CFAP299: variants seen among roughly 807,000 people sequenced by gnomAD.
CFAP299 encodes the protein cilia- and flagella-associated protein 299.
Under a neutral mutation model 27.0 loss-of-function variants are expected in CFAP299, and 21 were observed. That is an observed-to-expected ratio of 0.78 (90% confidence interval 0.55 to 1.12). The LOEUF is 1.12. CFAP299 is among the 50% of genes most tolerant of loss of function. CFAP299 has a pLI of 0.00. For missense variants in CFAP299, 310 were observed against 276.6 expected (o/e 1.12, Z -0.86); for synonymous variants, 104 against 98.1 (o/e 1.06, Z -0.36).
chr4:80,705,344 A>T (rs77817151), intron 3 of CFAP299, among the ~76,000 whole-genome samples: 2,565 of 151,894 alleles, frequency 0.017, 51 homozygotes, highest in Admixed American at 0.059. Context: ...AAGGTGGTAC[A>T]GTTGTTTCCT....
At chr4:80,941,661 A>G (rs944023001) in intron 4 of CFAP299, among the ~76,000 whole-genome samples, 3 of 152,112 alleles carry the variant, frequency 2.0e-5, no homozygotes, top group African/African-American at 7.2e-5. Context: ...ATTTATTTAA[A>G]AAAACAAAAC....
chr4:80,526,418 CAT>C (rs903169706), intron 2 of CFAP299, among the ~76,000 whole-genome samples: 13 of 152,208 alleles, frequency 8.5e-5, no homozygotes, highest in South Asian at 2.1e-4. Flanking sequence ...TTTACTAATA[CAT>C]ACTAAATCAA....
At position 80,556,757 on chromosome 4, in the gene CFAP299, G is replaced by A. The variant is rs77270605; in HGVS notation, c.243-26336G>A. Among the ~76,000 whole-genome samples, 1,036 of 152,032 alleles carry A rather than the reference G, an allele frequency of 6.8e-3. 13 individuals are homozygous for A. The highest frequency in any genetic ancestry group is 0.024 in the African/African-American group (995 of 41,506). ...TAGGATCACAAGTTACTATAAAATT[G>A]TCATTCAAGTAGCCAAAATTATGTT... is the stretch of plus-strand genomic sequence containing the variant. On this transcript the variant is annotated intron_variant, in intron 2 of 5. Transcript: ENST00000358105.
intron 3 of CFAP299, among the ~76,000 whole-genome samples, chr4:80,800,439 T>G (rs1178942980): frequency 1.7e-5 from 1 of 59,888 alleles, no homozygotes; most frequent in Admixed American, 3.3e-4. Flanking sequence ...TAATATATAA[T>G]ATATTGATAT....
intron 4 of CFAP299, among the ~76,000 whole-genome samples, chr4:80,893,945 A>G (rs1305284798): frequency 6.6e-6 from 1 of 152,060 alleles, no homozygotes; most frequent in Non-Finnish European, 1.5e-5. Flanking sequence ...ATGGGAGAAA[A>G]TATTTGCAAA....
chr4:80,472,132 A>G (rs1244288871), intron 2 of CFAP299, among the ~76,000 whole-genome samples: 1 of 152,236 alleles, frequency 6.6e-6, no homozygotes, highest in African/African-American at 2.4e-5. Context: ...GAAAGGGGGC[A>G]GGAGAGGGAG....
intron 4 of CFAP299, among the ~76,000 whole-genome samples, chr4:80,883,484 G>C (rs900719793): frequency 3.9e-5 from 6 of 152,022 alleles, no homozygotes; most frequent in African/African-American, 1.4e-4. Flanking sequence ...AATCAAAAAA[G>C]TGGATGAAAG....
intron 2 of CFAP299, among the ~76,000 whole-genome samples, chr4:80,487,502 T>G (rs996396492): frequency 1.2e-4 from 19 of 152,312 alleles, no homozygotes; most frequent in African/African-American, 4.1e-4. Context: ...TGGCTGCCCA[T>G]TCACCATATT....
At chr4:80,622,872 G>A (rs1478866670) in intron 3 of CFAP299, among the ~76,000 whole-genome samples, 1 of 152,126 alleles carries the variant, frequency 6.6e-6, no homozygotes, top group Non-Finnish European at 1.5e-5. Context: ...TTATGTCTGG[G>A]ATGAGAATGA....
intron 2 of CFAP299, among the ~76,000 whole-genome samples, chr4:80,460,829 T>G (rs1183980884): frequency 6.6e-6 from 1 of 152,156 alleles, no homozygotes; most frequent in African/African-American, 2.4e-5. Flanking sequence ...AAAGTCAAAC[T>G]CTGTAAAATA....
chr4:80,858,120 C>T (rs931996887), intron 3 of CFAP299, among the ~76,000 whole-genome samples: 1 of 152,198 alleles, frequency 6.6e-6, no homozygotes, highest in Non-Finnish European at 1.5e-5. Context: ...TCAACTTCTT[C>T]CTACTTTAGT....
chr4:80,956,804 G>A (rs1362604556), intron 5 of CFAP299, among the ~76,000 whole-genome samples: 1 of 151,740 alleles, frequency 6.6e-6, no homozygotes, highest in African/African-American at 2.4e-5. Flanking sequence ...GTTTTTAATG[G>A]GAATTTTAAA....
At chr4:80,799,575 T>A (rs1728159877) in intron 3 of CFAP299, among the ~76,000 whole-genome samples, 1 of 73,322 alleles carries the variant, frequency 1.4e-5, no homozygotes, top group Admixed American at 2.6e-4. Context: ...ATATATATAT[T>A]TATAAAATAT....
At chr4:80,786,372 A>T (rs1994840) in intron 3 of CFAP299, among the ~76,000 whole-genome samples, 51,172 of 151,958 alleles carry the variant, frequency 0.34, 10,436 homozygotes, top group African/African-American at 0.57. Flanking sequence ...TAAAAAGTGA[A>T]GATTTACAAC....
chr4:80,663,972 T>G (rs1741005706), intron 3 of CFAP299, among the ~76,000 whole-genome samples: 1 of 152,214 alleles, frequency 6.6e-6, no homozygotes, highest in South Asian at 2.1e-4. Flanking sequence ...GCCCACTTTT[T>G]GATAAGTCGT....
chr4:80,931,662 C>G (rs1406665128), intron 4 of CFAP299, among the ~76,000 whole-genome samples: 1 of 151,980 alleles, frequency 6.6e-6, no homozygotes, highest in Non-Finnish European at 1.5e-5. Flanking sequence ...CACAGGGAGG[C>G]TTTATTTCAA....
chr4:80,415,588 G>T (rs1350507394), intron 2 of CFAP299, among the ~76,000 whole-genome samples: 1 of 151,982 alleles, frequency 6.6e-6, no homozygotes, highest in Non-Finnish European at 1.5e-5. Flanking sequence ...GGTTTACTTT[G>T]AAATATATAC....
Position 80,926,509 on chromosome 4 carries a change from C to T in CFAP299, c.477-18301C>T, listed in dbSNP as rs73829202. ...AAATATTTGGGGAGAAGTAAATAGA[C>T]ATGAGAGAGATTAAAGAGATGGAAT... is the stretch of plus-strand genomic sequence containing the variant. On this transcript the variant is annotated intron_variant, in intron 4 of 5. Transcript: ENST00000358105. 7.7e-3 allele frequency among the ~76,000 whole-genome samples: 1,171 copies of T among 151,926 alleles called. 3 individuals carry two copies. The highest frequency in any genetic ancestry group is 0.014 in the Middle Eastern group (4 of 294).
chr4:80,676,773 G>A (rs1199935331), intron 3 of CFAP299, among the ~76,000 whole-genome samples: 2 of 151,804 alleles, frequency 1.3e-5, no homozygotes, highest in Non-Finnish European at 2.9e-5. Context: ...GTGATTATTT[G>A]TATTTCTGTG....
Sources: gnomAD v4.1 joint callset for allele counts (sites outside exome capture counted in the v4.1 genomes callset) on GRCh38, gnomAD v4.1.1 for gene constraint, MANE v1.5 for transcripts, NCBI Gene and HGNC (gene_info 2026-07-23, HGNC 2026-07-21) for gene names.